NELL1: variants seen among roughly 807,000 people sequenced by gnomAD.
NELL1 encodes the protein neural EGFL like 1.
A neutral mutation model predicts 107.4 loss-of-function variants in NELL1; 76 were observed. That is an observed-to-expected ratio of 0.71 (90% confidence interval 0.59 to 0.86). The LOEUF (loss-of-function observed/expected upper bound fraction) is 0.86. Among genes scored for constraint, NELL1 ranks in the 40% least tolerant of loss-of-function variants. NELL1 has a pLI of 0.00. For synonymous variants in NELL1, 353 were observed against 341.2 expected, an observed-to-expected ratio of 1.03 and a Z score of -0.38; for missense variants, 1,024 against 1,005.5, an observed-to-expected ratio of 1.02 and a Z score of -0.25.
In NELL1 at chr11:21,264,071, G is replaced by GGTGTGTGT. The variant is rs10525326; in HGVS notation, c.1549+34636_1549+34643dup. Among the ~76,000 whole-genome samples, 288 of 139,486 alleles carry GGTGTGTGT rather than the reference G, an allele frequency of 2.1e-3. 2 individuals are homozygous for GGTGTGTGT. The highest frequency in any genetic ancestry group is 4.2e-3 in the South Asian group (18 of 4,296). The allele number at this position is 139,486 out of a possible 152,430, so 91.5% of individuals were successfully genotyped here. A position where few individuals can be genotyped will look rare whatever the true frequency, so the allele number is the denominator to read the frequency against. The stretch of plus-strand genomic sequence containing the variant: ...TTAGATGTCTGAAAGTCTACAATGG[G>GGTGTGTGT]GTGTGTGTGTGTGTGTGTGTGTGTG... On this transcript the variant is annotated intron_variant, in intron 14 of 19. Transcript: ENST00000357134.
At chr11:20,903,680 A>T (rs1196026347) in intron 5 of NELL1, among the ~76,000 whole-genome samples, 1 of 152,106 alleles carries the variant, frequency 6.6e-6, no homozygotes, top group African/African-American at 2.4e-5. Flanking sequence ...CTAACTTTAG[A>T]TTGCATACAA....
intron 15 of NELL1, among the ~76,000 whole-genome samples, chr11:21,438,492 A>C (rs117459234): frequency 0.014 from 2,108 of 152,180 alleles, 17 homozygotes; most frequent in Non-Finnish European, 0.02. Context: ...CTGTATCTGA[A>C]TGTCTATATC....
intron 4 of NELL1, among the ~76,000 whole-genome samples, chr11:20,877,247 A>G (rs568610815): frequency 8.5e-5 from 13 of 152,376 alleles, no homozygotes; most frequent in African/African-American, 2.6e-4. Context: ...CAGCAAGAGC[A>G]TGAGAGCTTC....
intron 14 of NELL1, among the ~76,000 whole-genome samples, chr11:21,261,267 G>A (rs1393557538): frequency 6.6e-6 from 1 of 151,328 alleles, no homozygotes; most frequent in Non-Finnish European, 1.5e-5. Context: ...GTGTCATGGA[G>A]GTTTGTTGTA....
chr11:21,337,824 CTTTCTTTCTTTCT>C (rs201543831), intron 14 of NELL1, among the ~76,000 whole-genome samples: 10,186 of 41,430 alleles, frequency 0.25, 646 homozygotes, highest in South Asian at 0.35. Flanking sequence ...TTCCTTCTTT[CTTTCTTTCTTTCT>C]TTTCTTTCTT....
intron 5 of NELL1, among the ~76,000 whole-genome samples, chr11:20,914,174 A>G (rs941413612): frequency 2.6e-5 from 4 of 152,098 alleles, no homozygotes; most frequent in Non-Finnish European, 5.9e-5. Flanking sequence ...GTCTCAATCA[A>G]TTTAGAAAAG....
At position 21,570,925 on chromosome 11, in the gene NELL1, G is replaced by T; in HGVS notation, c.2142G>T (p.Gln714His). 1 of 1,611,384 alleles carries T rather than the reference G, an allele frequency of 6.2e-7. No homozygotes were observed. The highest frequency in any genetic ancestry group is 8.5e-7 in the Non-Finnish European group (1 of 1,178,260). The change falls in exon 18 of 20, where the codon CAG (glutamine) becomes CAT (histidine). Residue 714 changes from glutamine to histidine, a missense_variant. Physicochemically the swap from Gln to His is conservative, Grantham distance 24. Coordinates refer to ENST00000357134, the MANE Select transcript of NELL1 (RefSeq NM_006157.5). ...GAGACAATTGGACCCATAGCTGTCA[G>T]CAGTGTCGGTGTCTGGTATGTTGGC... is the stretch of plus-strand genomic sequence containing the variant. ...RSGDNWTHSC[Q>H]QCRCLEGEVD...
rs574606148 is a variant in NELL1 at position 20,755,865 on chromosome 11, GTTTTTTTTTTTTTTTTTTTT to G, written c.185-27791_185-27772del. On this transcript the variant is annotated intron_variant, in intron 2 of 19. Coordinates refer to ENST00000357134, the MANE Select transcript of NELL1 (RefSeq NM_006157.5). ...GCCACCACGCCCAGCCAGACCTGCG[GTTTTTTTTTTTTTTTTTTTT>G]TTTTTTTTTTTTTTTTTTTTTTTAT... 4.2e-4 allele frequency among the ~76,000 whole-genome samples: 51 copies of G among 122,080 alleles called. 1 individual carries two copies. The highest frequency in any genetic ancestry group is 1.5e-3 in the African/African-American group (45 of 30,294). 80.1% of individuals were successfully genotyped at this position (122,080 alleles called of 152,430 possible). A position where few individuals can be genotyped will look rare whatever the true frequency, so the allele number is the denominator to read the frequency against.
chr11:20,876,755 T>C (rs567235854), intron 4 of NELL1, among the ~76,000 whole-genome samples: 1 of 151,964 alleles, frequency 6.6e-6, no homozygotes, highest in African/African-American at 2.4e-5. Flanking sequence ...AGAGGGAGAC[T>C]CCATCTCAAA....
chr11:20,950,412 CAT>C (rs1301111807), intron 11 of NELL1, among the ~76,000 whole-genome samples: 1 of 152,218 alleles, frequency 6.6e-6, no homozygotes, highest in Non-Finnish European at 1.5e-5. Context: ...TTTTGCTCCA[CAT>C]CTCTTAATTC....
chr11:21,341,000 C>T (rs112768994), intron 14 of NELL1, among the ~76,000 whole-genome samples: 2,570 of 152,286 alleles, frequency 0.017, 43 homozygotes, highest in Non-Finnish European at 0.027. Context: ...ACAACTCCAT[C>T]TCTGCCCCCC....
intron 7 of NELL1, among the ~76,000 whole-genome samples, chr11:20,922,389 A>G (rs569500114): frequency 1.1e-4 from 17 of 150,722 alleles, no homozygotes; most frequent in Non-Finnish European, 2.4e-4. Context: ...TGAATACAGC[A>G]GTTTAGTTGG....
chr11:21,340,620 TACACACACACACACACAC>T (rs71034506), intron 14 of NELL1, among the ~76,000 whole-genome samples: 26 of 141,802 alleles, frequency 1.8e-4, no homozygotes, highest in African/African-American at 3.5e-4. Context: ...TATGACGGGT[TACACACACACACACACAC>T]ACACACACAC....
At chr11:21,036,817 A>C (rs1383618742) in intron 12 of NELL1, among the ~76,000 whole-genome samples, 3 of 151,978 alleles carry the variant, frequency 2.0e-5, no homozygotes, top group Non-Finnish European at 2.9e-5. Flanking sequence ...GTTTCCTTTG[A>C]TAGGATCTTT....
intron 13 of NELL1, among the ~76,000 whole-genome samples, chr11:21,138,370 A>G (rs1046948569): frequency 2.6e-5 from 4 of 152,176 alleles, no homozygotes; most frequent in African/African-American, 9.7e-5. Context: ...TTCCACAGCA[A>G]TAGCCTGTGC....
At chr11:21,360,961 G>T (rs552692123) in intron 14 of NELL1, among the ~76,000 whole-genome samples, 1 of 152,202 alleles carries the variant, frequency 6.6e-6, no homozygotes, top group African/African-American at 2.4e-5. Flanking sequence ...TACATTCAAC[G>T]CTAATATTGA....
intron 3 of NELL1, among the ~76,000 whole-genome samples, chr11:20,792,437 G>C (rs1458433417): frequency 6.6e-6 from 1 of 151,806 alleles, no homozygotes; most frequent in Non-Finnish European, 1.5e-5. Context: ...CTTTAATAAG[G>C]TCCTCTGTTT....
At chr11:21,207,843 T>A (rs1370791911) in intron 13 of NELL1, among the ~76,000 whole-genome samples, 1 of 152,192 alleles carries the variant, frequency 6.6e-6, no homozygotes, top group Non-Finnish European at 1.5e-5. Context: ...CTGCCAAAGC[T>A]TTGTCTTTTC....
chr11:21,326,312 G>T (rs1448885155), intron 14 of NELL1, among the ~76,000 whole-genome samples: 3 of 150,592 alleles, frequency 2.0e-5, no homozygotes, highest in African/African-American at 7.3e-5. Context: ...TTTTTCCAAT[G>T]GTTGCTCAAC....
Sources: gnomAD v4.1 joint callset for allele counts (sites outside exome capture counted in the v4.1 genomes callset) on GRCh38, gnomAD v4.1.1 for gene constraint, MANE v1.5 for transcripts, NCBI Gene and HGNC (gene_info 2026-07-23, HGNC 2026-07-21) for gene names.